TMEM117: variants seen among roughly 807,000 people sequenced by gnomAD.
TMEM117 encodes transmembrane protein 117.
A neutral mutation model predicts 52.4 loss-of-function variants in TMEM117; 27 were observed. The observed-to-expected ratio is 0.51, with a 90% CI of 0.38 to 0.71. The LOEUF is 0.71. Ranked by LOEUF, TMEM117 falls within the 30% of genes least tolerant of loss-of-function variation. The probability of loss-of-function intolerance (pLI) is 0.00; values close to 1 mark genes in which losing one functional copy is unlikely to be tolerated. For synonymous variants in TMEM117, 215 were observed against 206.3 expected, an observed-to-expected ratio of 1.04 and a Z score of -0.36; for missense variants, 556 against 630.5, an observed-to-expected ratio of 0.88 and a Z score of 1.26.
intron 2 of TMEM117, among the ~76,000 whole-genome samples, chr12:43,920,830 TC>T (rs1944682029): frequency 6.6e-6 from 1 of 152,132 alleles, no homozygotes; most frequent in African/African-American, 2.4e-5. Flanking sequence ...TGCTTGACAA[TC>T]TAGTTATTTG....
chr12:43,982,783 C>A (rs1471822711), intron 3 of TMEM117, among the ~76,000 whole-genome samples: 1 of 152,136 alleles, frequency 6.6e-6, no homozygotes, highest in African/African-American at 2.4e-5. Context: ...AAATAGAACA[C>A]AGAGCGTATT....
the TMEM117 span, among the ~76,000 whole-genome samples, chr12:43,828,534 G>A: frequency 6.6e-6 from 1 of 152,216 alleles, no homozygotes; most frequent in Non-Finnish European, 1.5e-5. Context: ...GGAGAGGATG[G>A]CTCTTACTGT....
intron 2 of TMEM117, among the ~76,000 whole-genome samples, chr12:43,919,963 C>T (rs1592363688): frequency 6.6e-6 from 1 of 151,948 alleles, no homozygotes; most frequent in East Asian, 2.0e-4. Context: ...CAGCATCACT[C>T]ATGATATTTT....
At chr12:43,881,313 T>A (rs1231612690) in intron 2 of TMEM117, among the ~76,000 whole-genome samples, 1 of 152,180 alleles carries the variant, frequency 6.6e-6, no homozygotes, top group Non-Finnish European at 1.5e-5. Flanking sequence ...GAGAAAAGCA[T>A]TTGTGCATTC....
chr12:44,277,400 G>T (rs1298879201), intron 5 of TMEM117, among the ~76,000 whole-genome samples: 1 of 151,878 alleles, frequency 6.6e-6, no homozygotes, highest in Non-Finnish European at 1.5e-5. Flanking sequence ...CAAATTACAA[G>T]AATTTTGATA....
At chr12:44,053,153 C>G (rs1480177428) in intron 3 of TMEM117, among the ~76,000 whole-genome samples, 1 of 152,154 alleles carries the variant, frequency 6.6e-6, no homozygotes, top group Non-Finnish European at 1.5e-5. Context: ...ATACACTTGC[C>G]TTCCCTTCAG....
At chr12:43,876,590 TA>T (rs1446199788) in intron 2 of TMEM117, among the ~76,000 whole-genome samples, 1 of 152,204 alleles carries the variant, frequency 6.6e-6, no homozygotes, top group Non-Finnish European at 1.5e-5. Flanking sequence ...CAATTTCAAA[TA>T]TTTTTTGAGC....
chr12:44,009,655 T>C (rs549952478), intron 3 of TMEM117: 1 of 239,364 alleles, frequency 4.2e-6, no homozygotes, highest in East Asian at 1.0e-4. Flanking sequence ...AGGGCTCCGC[T>C]GGTTTATACT....
chr12:44,017,233 C>CTG lies in TMEM117; in HGVS notation c.410+72909_410+72910dup, dbSNP rs143648069. On this transcript the variant is annotated intron_variant, in intron 3 of 7. Transcript: ENST00000266534. ...GAGAAAGCATTATTTATGAAGCCTT[C>CTG]TGTGTGTGTGTGTGTGTGTTTTAGG... Among the ~76,000 whole-genome samples, 674 of 147,306 alleles carry CTG rather than the reference C, an allele frequency of 4.6e-3. 6 individuals carry two copies. The highest frequency in any genetic ancestry group is 7.7e-3 in the Admixed American group (114 of 14,832).
chr12:44,257,124 C>G (rs1457701115), intron 5 of TMEM117, among the ~76,000 whole-genome samples: 1 of 150,466 alleles, frequency 6.6e-6, no homozygotes, highest in East Asian at 2.0e-4. Flanking sequence ...TATGCTAGGT[C>G]ATTGGAGAAC....
chr12:44,268,898 T>A (rs923243789), intron 5 of TMEM117, among the ~76,000 whole-genome samples: 2 of 152,126 alleles, frequency 1.3e-5, no homozygotes, highest in African/African-American at 4.8e-5. Flanking sequence ...AGTTCCCTCC[T>A]CCCTTAAGAT....
Position 44,283,030 on chromosome 12 carries a change from C to T in TMEM117, c.609-16550C>T, listed in dbSNP as rs538582865. 1.6e-3 allele frequency among the ~76,000 whole-genome samples: 250 copies of T among 152,360 alleles called. 3 individuals are homozygous for T. Among genetic ancestry groups the T allele is most frequent in the African/African-American group, 5.5e-3 (228 of 41,592 alleles). Reference sequence around the variant, plus strand: ...AAGCCCCAAACTTTGGCAGCTCCCACGTGGTGTGGAGCCTGTGGGTACACA... The same window carrying T: ...AAGCCCCAAACTTTGGCAGCTCCCATGTGGTGTGGAGCCTGTGGGTACACA... On this transcript the variant is annotated intron_variant, in intron 5 of 7. Coordinates refer to ENST00000266534, the MANE Select transcript of TMEM117 (RefSeq NM_032256.3).
In TMEM117 at chr12:44,240,506, C is replaced by T. The variant is rs147655712; in HGVS notation, c.608+29119C>T. Among the ~76,000 whole-genome samples the T allele has an allele frequency of 1.3e-3, 202 of 152,156 alleles. 6 individuals carry two copies. In the East Asian group the frequency reaches 0.035, roughly 26 times the overall value. On this transcript the variant is annotated intron_variant, in intron 5 of 7. Transcript: ENST00000266534. ...TGCAACAATTGGTGGTCTTTGCTAT[C>T]CTCTCCTTATCTCCCAGTTACCCAC...
chr12:44,155,002 A>C (rs1426904973), intron 4 of TMEM117, among the ~76,000 whole-genome samples: 2 of 152,108 alleles, frequency 1.3e-5, no homozygotes, highest in African/African-American at 4.8e-5. Context: ...TTATACAAAT[A>C]AATGAGGAAT....
intron 5 of TMEM117, among the ~76,000 whole-genome samples, chr12:44,213,490 CAA>C (rs1949674187): frequency 6.6e-6 from 1 of 152,170 alleles, no homozygotes; most frequent in Non-Finnish European, 1.5e-5. Context: ...TCTCTTAAAA[CAA>C]TATTTATTTA....
intron 4 of TMEM117, among the ~76,000 whole-genome samples, chr12:44,163,121 A>G (rs543758831): frequency 6.1e-4 from 93 of 152,252 alleles, no homozygotes; most frequent in Non-Finnish European, 1.2e-3. Context: ...CAAAGCTTGC[A>G]CATTCTTTGG....
At chr12:44,002,113 C>A (rs1843333592) in intron 3 of TMEM117, among the ~76,000 whole-genome samples, 2 of 152,090 alleles carry the variant, frequency 1.3e-5, no homozygotes, top group Admixed American at 1.3e-4. Flanking sequence ...CCAAGAGGAA[C>A]AACAACAAAA....
chr12:44,362,539 G>A (rs1399346594), intron 6 of TMEM117, among the ~76,000 whole-genome samples: 2 of 151,014 alleles, frequency 1.3e-5, no homozygotes, highest in African/African-American at 4.9e-5. Context: ...CAAATATTTA[G>A]CAAATAAAAG....
chr12:44,081,340 C>T (rs1477232663), intron 3 of TMEM117, among the ~76,000 whole-genome samples: 4 of 152,108 alleles, frequency 2.6e-5, no homozygotes, highest in Non-Finnish European at 4.4e-5. Context: ...GAATCACAAA[C>T]TATATTTGTG....
Sources: allele counts gnomAD v4.1 joint callset (sites outside exome capture counted in the v4.1 genomes callset), GRCh38; gene constraint gnomAD v4.1.1; transcripts MANE v1.5; gene names NCBI Gene and HGNC (gene_info 2026-07-23, HGNC 2026-07-21).